RCL1: variants seen among roughly 807,000 people sequenced by gnomAD.
RCL1 encodes RNA 3'-terminal phosphate cyclase-like protein.
Under a neutral mutation model 42.4 loss-of-function variants are expected in RCL1, and 24 were observed. The observed-to-expected ratio is 0.57, with a 90% CI of 0.41 to 0.80. The LOEUF (loss-of-function observed/expected upper bound fraction) is 0.80, where lower values mean the gene tolerates loss of function less well. Among genes scored for constraint, RCL1 ranks in the 30% least tolerant of loss-of-function variants. The probability of loss-of-function intolerance (pLI) is 0.00; values close to 1 mark genes in which losing one functional copy is unlikely to be tolerated. For missense variants in RCL1, 578 were observed against 467.9 expected, an observed-to-expected ratio of 1.24 and a Z score of -2.17; for synonymous variants, 228 against 177.3, an observed-to-expected ratio of 1.29 and a Z score of -2.27.
intron 5 of RCL1, among the ~76,000 whole-genome samples, chr9:4,838,508 G>A (rs1414055428): frequency 6.6e-6 from 1 of 152,188 alleles, no homozygotes; most frequent in Non-Finnish European, 1.5e-5. Context: ...GTTGGAATTC[G>A]TGGGATAATC....
At chr9:4,859,266 G>A (rs1338551406) in intron 8 of RCL1, among the ~76,000 whole-genome samples, 6 of 152,016 alleles carry the variant, frequency 3.9e-5, no homozygotes, top group South Asian at 4.1e-4. Context: ...ACACTTCCCC[G>A]GCCACCTTAT....
intron 1 of RCL1, among the ~76,000 whole-genome samples, chr9:4,809,699 C>T (rs925107086): frequency 1.3e-5 from 2 of 152,202 alleles, no homozygotes; most frequent in African/African-American, 4.8e-5. Context: ...GGCAACATAG[C>T]CTTTCCCTTA....
At chr9:4,855,953 C>T (rs1348830094) in intron 8 of RCL1, among the ~76,000 whole-genome samples, 2 of 152,164 alleles carry the variant, frequency 1.3e-5, no homozygotes, top group Admixed American at 6.5e-5. Flanking sequence ...GAAATTCTGC[C>T]AGCTGGGGAG....
intron 8 of RCL1, among the ~76,000 whole-genome samples, chr9:4,857,648 C>G (rs1468471229): frequency 1.3e-5 from 2 of 152,162 alleles, no homozygotes; most frequent in Non-Finnish European, 2.9e-5. Context: ...TTACCGTATC[C>G]TATGGTAACT....
chr9:4,822,891 T>C (rs1470843190), intron 1 of RCL1, among the ~76,000 whole-genome samples: 1 of 152,168 alleles, frequency 6.6e-6, no homozygotes, highest in Non-Finnish European at 1.5e-5. Context: ...AAACATTTAT[T>C]AACATTTCGC....
Position 4,793,211 on chromosome 9 carries a change from C to A in RCL1, c.120C>A (p.Asp40Glu), listed in dbSNP as rs750582433. The A allele has an allele frequency of 1.2e-6, 2 of 1,602,472 alleles. No individual in the cohort carries two copies. The highest frequency in any genetic ancestry group is 1.7e-6 in the Non-Finnish European group (2 of 1,174,674). The part of the protein sequence containing the change: ...VKIRKIRARD[D>E]NPGLRDFEAS... ...TCCGAAAGATTCGGGCCAGAGACGA[C>A]AACCCGGGCCTCCGAGGTAACTTGG... Residue 40 changes from aspartate (D) to glutamate (E), a missense_variant, in exon 1 of 9, where the codon GAC becomes GAA. Asp to Glu is a conservative substitution (Grantham distance 45). Coordinates refer to ENST00000381750, the MANE Select transcript of RCL1 (RefSeq NM_005772.5).
intron 1 of RCL1, among the ~76,000 whole-genome samples, chr9:4,815,037 A>G (rs138874404): frequency 4.6e-5 from 7 of 151,748 alleles, no homozygotes; most frequent in African/African-American, 1.2e-4. Flanking sequence ...TGCTGTTTTT[A>G]GAATTCTCTT....
chr9:4,854,076 T>G (rs996123201), intron 8 of RCL1, among the ~76,000 whole-genome samples: 16 of 152,198 alleles, frequency 1.1e-4, no homozygotes, highest in Non-Finnish European at 2.1e-4. Flanking sequence ...TGTAAAGCCC[T>G]GTCACCTGAT....
chr9:4,822,952 C>A (rs574252106), intron 1 of RCL1, among the ~76,000 whole-genome samples: 1 of 152,072 alleles, frequency 6.6e-6, no homozygotes, highest in South Asian at 2.1e-4. Context: ...GGCAGTAATA[C>A]TGTACATTCA....
At chr9:4,838,612 T>A (rs1433165247) in intron 5 of RCL1, among the ~76,000 whole-genome samples, 1 of 152,232 alleles carries the variant, frequency 6.6e-6, no homozygotes, top group Non-Finnish European at 1.5e-5. Flanking sequence ...CTCTTAGCTT[T>A]CTCTGACATG....
At chr9:4,834,976 G>C (rs1198695584) in intron 5 of RCL1, among the ~76,000 whole-genome samples, 2 of 152,164 alleles carry the variant, frequency 1.3e-5, no homozygotes, top group African/African-American at 4.8e-5. Context: ...TTTTACTTTT[G>C]CCTATAGAAA....
intron 2 of RCL1, among the ~76,000 whole-genome samples, chr9:4,825,694 C>T (rs922268366): frequency 1.3e-5 from 2 of 152,138 alleles, no homozygotes; most frequent in African/African-American, 4.8e-5. Flanking sequence ...CCATTTATGT[C>T]CCCCTATGTC....
Position 4,830,737 on chromosome 9 carries a change from C to G in RCL1, c.385-2417C>G, listed in dbSNP as rs970219102. ...CATATCTGTTTAATTCTTCTACCAA[C>G]CCAGTGAGGTGGGTGTTTCAGACAA... is the stretch of plus-strand genomic sequence containing the variant. On this transcript the variant is annotated intron_variant, in intron 3 of 8. Coordinates refer to ENST00000381750, the MANE Select transcript of RCL1 (RefSeq NM_005772.5). Among the ~76,000 whole-genome samples, 3 of 152,326 alleles carry G rather than the reference C, an allele frequency of 2.0e-5. No individual in the cohort carries two copies. The East Asian group carries it at 5.8e-4, about 29-fold the overall frequency.
At position 4,849,520 on chromosome 9, in the gene RCL1, A is replaced by G; in HGVS notation, c.941A>G (p.Lys314Arg). ...LMTLGQQDVSKVLLGPLSPYT... is the reference protein window; with the variant it reads ...LMTLGQQDVSRVLLGPLSPYT... ...ACCCTTGGACAGCAGGATGTTTCCA[A>G]AGTCCTGCTAGGCCCTCTCTCTCCC... The change falls in exon 8 of 9, where the codon AAA (lysine) becomes AGA (arginine). Residue 314 changes from lysine to arginine, a missense_variant. By Grantham distance (26) the Lys-to-Arg change is conservative. Coordinates refer to ENST00000381750, the MANE Select transcript of RCL1 (RefSeq NM_005772.5). 1 of 1,613,636 alleles carries G rather than the reference A, an allele frequency of 6.2e-7. No individual in the cohort carries two copies. Among genetic ancestry groups the G allele is most frequent in the Non-Finnish European group, 8.5e-7 (1 of 1,179,806 alleles).
chr9:4,820,851 T>C lies in RCL1; in HGVS notation c.137-2697T>C, dbSNP rs532931359. Among the ~76,000 whole-genome samples the C allele has an allele frequency of 1.1e-4, 17 of 152,364 alleles. No homozygotes were observed. In the South Asian group the frequency reaches 3.5e-3, roughly 32 times the overall value. On this transcript the variant is annotated intron_variant, in intron 1 of 8. Coordinates refer to ENST00000381750, the MANE Select transcript of RCL1 (RefSeq NM_005772.5). ...CGTCGTTCAGATACTTTCAAACTCC[T>C]GTGATGCTACTTACATCACAACCTA...
At position 4,806,044 on chromosome 9, in the gene RCL1, GTT is replaced by G. The variant is rs35701832; in HGVS notation, c.136+12819_136+12820del. Among the ~76,000 whole-genome samples the G allele has an allele frequency of 1.2e-3, 171 of 139,940 alleles. 2 individuals carry two copies. The highest frequency in any genetic ancestry group is 4.1e-3 in the African/African-American group (148 of 36,028). 91.8% of individuals were successfully genotyped at this position (139,940 alleles called of 152,430 possible). Reference sequence around the variant, plus strand: ...TGTGTGTGTGTGTGTGTGTGTGTGTGTTTGTGTGTGTGTGTGTGTTTGTGTGT... The same window carrying G: ...TGTGTGTGTGTGTGTGTGTGTGTGTGTGTGTGTGTGTGTGTGTTTGTGTGT... On this transcript the variant is annotated intron_variant, in intron 1 of 8. Transcript: ENST00000381750.
intron 1 of RCL1, among the ~76,000 whole-genome samples, chr9:4,802,539 G>T (rs748304900): frequency 1.3e-5 from 2 of 151,874 alleles, no homozygotes; most frequent in Admixed American, 6.6e-5. Context: ...AATATTATAG[G>T]TTTATTTAAA....
intron 8 of RCL1, among the ~76,000 whole-genome samples, chr9:4,859,223 G>T (rs1413256853): frequency 6.6e-6 from 1 of 152,188 alleles, no homozygotes; most frequent in African/African-American, 2.4e-5. Context: ...CCATCGCCCT[G>T]TGATGCCATT....
chr9:4,811,255 A>G (rs945216199), intron 1 of RCL1, among the ~76,000 whole-genome samples: 1 of 151,646 alleles, frequency 6.6e-6, no homozygotes, highest in African/African-American at 2.4e-5. Context: ...GCACTGGGCA[A>G]TAGAGCAAAA....
Sources: gnomAD v4.1 joint callset for allele counts (sites outside exome capture counted in the v4.1 genomes callset) on GRCh38, gnomAD v4.1.1 for gene constraint, MANE v1.5 for transcripts, NCBI Gene and HGNC (gene_info 2026-07-23, HGNC 2026-07-21) for gene names.